The following COL28A1 variants were observed in gnomAD, a reference collection of about 807,000 sequenced individuals.
COL28A1 encodes collagen type XXVIII alpha 1 chain.
A neutral mutation model predicts 150.2 loss-of-function variants in COL28A1; 161 were observed. The ratio of observed to expected loss-of-function variants is 1.07; its 90% CI spans 0.94 to 1.22. The LOEUF is 1.22. COL28A1 is among the 50% of genes most tolerant of loss of function. The pLI is 0.00. For missense variants in COL28A1, 1,617 were observed against 1,388.3 expected (o/e 1.16, Z -2.62); for synonymous variants, 552 against 469.7 (o/e 1.18, Z -2.26).
chr7:7,476,781 G>A (rs1319276905), intron 14 of COL28A1, among the ~76,000 whole-genome samples: 1 of 152,176 alleles, frequency 6.6e-6, no homozygotes, highest in African/African-American at 2.4e-5. Context: ...GCAAAGAATT[G>A]CCATAGCTAC....
chr7:7,416,246 G>A (rs1238931090), intron 27 of COL28A1, among the ~76,000 whole-genome samples: 4 of 152,208 alleles, frequency 2.6e-5, no homozygotes, highest in African/African-American at 9.7e-5. Context: ...CCTGTGATGG[G>A]AGGCTTCAGG....
chr7:7,344,946 T>C, the COL28A1 span, among the ~76,000 whole-genome samples: 1 of 151,938 alleles, frequency 6.6e-6, no homozygotes. Context: ...CAAGATCAAA[T>C]TGCAGGTGCA....
intron 27 of COL28A1, among the ~76,000 whole-genome samples, chr7:7,409,939 A>T (rs1783690395): frequency 6.6e-6 from 1 of 152,182 alleles, no homozygotes; most frequent in African/African-American, 2.4e-5. Context: ...TCCAAATCTG[A>T]TTTGGAGAAT....
chr7:7,474,853 T>C (rs964455927), intron 14 of COL28A1, among the ~76,000 whole-genome samples, 184 bp from the exon 15 acceptor site: 1 of 152,192 alleles, frequency 6.6e-6, no homozygotes, highest in African/African-American at 2.4e-5. Context: ...AAAAATACAT[T>C]AGTCATAACA....
intron 33 of COL28A1, 110 bp from the exon 34 acceptor site, chr7:7,360,638 G>A (rs1258734370): frequency 3.3e-6 from 3 of 916,230 alleles, no homozygotes; most frequent in Non-Finnish European, 4.9e-6. Context: ...TGTTTCCCTA[G>A]CTCTCTGATA....
intron 27 of COL28A1, among the ~76,000 whole-genome samples, chr7:7,409,356 T>C (rs946901275): frequency 1.3e-5 from 2 of 151,436 alleles, no homozygotes; most frequent in African/African-American, 4.9e-5. Flanking sequence ...GTTACAAGAA[T>C]GAAAAAATAA....
chr7:7,464,931 A>C (rs1038692572), intron 15 of COL28A1, among the ~76,000 whole-genome samples: 2 of 152,228 alleles, frequency 1.3e-5, no homozygotes, highest in Non-Finnish European at 2.9e-5. Context: ...AATCCAAATA[A>C]GTTCAATTAG....
At chr7:7,455,357 A>ACTGTTATAC (rs2128333391) in intron 16 of COL28A1, among the ~76,000 whole-genome samples, 1 of 152,348 alleles carries the variant, frequency 6.6e-6, no homozygotes, top group Non-Finnish European at 1.5e-5. Context: ...AGTAGAGAGT[A>ACTGTTATAC]CTGTTATACT....
intron 27 of COL28A1, among the ~76,000 whole-genome samples, chr7:7,398,563 T>A (rs1782978713): frequency 6.6e-6 from 1 of 152,242 alleles, no homozygotes; most frequent in Non-Finnish European, 1.5e-5. Context: ...TAGAGTTAAA[T>A]ACATGGATAG....
chr7:7,447,824 A>C (rs73346304), intron 18 of COL28A1, among the ~76,000 whole-genome samples: 2,739 of 152,262 alleles, frequency 0.018, 90 homozygotes, highest in African/African-American at 0.063. Flanking sequence ...CTGAAAAAGA[A>C]TGAGCAGAGC....
the COL28A1 span, among the ~76,000 whole-genome samples, chr7:7,340,978 C>T: frequency 1.3e-5 from 2 of 152,158 alleles, no homozygotes; most frequent in East Asian, 3.9e-4. Flanking sequence ...AGGCTAAGGT[C>T]CAAGCCCTTC....
In COL28A1 at chr7:7,393,317, G is replaced by T. The variant is rs542874802; in HGVS notation, c.2137-11705C>A. ...TGCAGAACAGCAAAGACTGCCACCT[G>T]TTCAATCCTCTGGAAGCTTCGTCCC... is the stretch of plus-strand genomic sequence containing the variant. On this transcript the variant is annotated intron_variant, in intron 27 of 34. Transcript: ENST00000399429. Among the ~76,000 whole-genome samples the T allele has an allele frequency of 2.0e-5, 3 of 152,342 alleles. No homozygotes were observed. The South Asian group carries it at 6.2e-4, about 32-fold the overall frequency.
intron 15 of COL28A1, among the ~76,000 whole-genome samples, chr7:7,459,922 C>A (rs1787477830): frequency 6.6e-6 from 1 of 152,116 alleles, no homozygotes; most frequent in African/African-American, 2.4e-5. Context: ...TATATAAAAC[C>A]CTCAAATTAT....
intron 13 of COL28A1, among the ~76,000 whole-genome samples, chr7:7,482,300 G>A (rs1009446470): frequency 3.3e-5 from 5 of 152,026 alleles, no homozygotes; most frequent in Admixed American, 1.3e-4. Flanking sequence ...TGAGGTGGGC[G>A]GATTACCTGA....
chr7:7,415,284 A>G (rs1434292873), intron 27 of COL28A1, among the ~76,000 whole-genome samples: 2 of 151,450 alleles, frequency 1.3e-5, no homozygotes. Flanking sequence ...AGGGGTAGGA[A>G]ATAAGTCAAC....
intron 25 of COL28A1, among the ~76,000 whole-genome samples, chr7:7,428,760 T>A (rs1467160169): frequency 2.0e-5 from 3 of 152,258 alleles, no homozygotes; most frequent in Non-Finnish European, 4.4e-5. Flanking sequence ...CTTCCCAGCA[T>A]GTTTCAAAGG....
chr7:7,364,580 T>G lies in COL28A1; in HGVS notation c.3067-4052A>C, dbSNP rs79057013. Among the ~76,000 whole-genome samples, 1,293 of 152,310 alleles carry G rather than the reference T, an allele frequency of 8.5e-3. 19 individuals carry two copies. The highest frequency in any genetic ancestry group is 0.03 in the African/African-American group (1,243 of 41,562). ...TATAAGACCAAGTTCTAACCACCCC[T>G]TTGAGCTACTCATCTCCATGCTCCT... On this transcript the variant is annotated intron_variant, in intron 33 of 34. Coordinates refer to ENST00000399429, the MANE Select transcript of COL28A1 (RefSeq NM_001037763.3).
At chr7:7,533,058 A>C (rs1303015827) in intron 1 of COL28A1, 146 bp from the exon 2 acceptor site, 1 of 909,914 alleles carries the variant, frequency 1.1e-6, no homozygotes, top group Non-Finnish European at 1.5e-6. Context: ...TCACATTGAG[A>C]TTTTGAAAGA....
intron 27 of COL28A1, among the ~76,000 whole-genome samples, chr7:7,400,975 G>GGGGT (rs1160269291): frequency 0.023 from 2,779 of 119,122 alleles, 65 homozygotes; most frequent in Non-Finnish European, 0.026. Context: ...TGGGTATTTG[G>GGGGT]GTGTGTGTGT....
Sources: allele counts gnomAD v4.1 joint callset (sites outside exome capture counted in the v4.1 genomes callset), GRCh38; gene constraint gnomAD v4.1.1; transcripts MANE v1.5; gene names NCBI Gene and HGNC (gene_info 2026-07-23, HGNC 2026-07-21).